SEMA3A: variants seen among roughly 807,000 people sequenced by gnomAD.
SEMA3A encodes semaphorin-3A.
In SEMA3A, 29 loss-of-function variants were observed where a neutral mutation model predicts 97.9. The observed-to-expected ratio is 0.30, with a 90% confidence interval of 0.22 to 0.40. The LOEUF (loss-of-function observed/expected upper bound fraction) is 0.40. Among genes scored for constraint, SEMA3A ranks in the 10% least tolerant of loss-of-function variants. The pLI is 1.00. For synonymous variants in SEMA3A, 321 were observed against 323.7 expected (o/e 0.99, Z 0.09); for missense variants, 763 against 951.3 (o/e 0.80, Z 2.60).
intron 3 of SEMA3A, among the ~76,000 whole-genome samples, chr7:84,213,070 A>C (rs1798668423): frequency 1.3e-5 from 2 of 151,940 alleles, no homozygotes; most frequent in Non-Finnish European, 1.5e-5. Flanking sequence ...TTTAGGGTTC[A>C]GGGTTCAAGC....
chr7:84,011,962 TG>T (rs1790898412), intron 7 of SEMA3A, among the ~76,000 whole-genome samples: 1 of 152,128 alleles, frequency 6.6e-6, no homozygotes. Flanking sequence ...GGGGACATTA[TG>T]TTAACAGAAA....
At chr7:84,403,714 G>C (rs1803977464) in intron 1 of SEMA3A, among the ~76,000 whole-genome samples, 1 of 152,150 alleles carries the variant, frequency 6.6e-6, no homozygotes, top group Admixed American at 6.5e-5. Flanking sequence ...GGAACGATCA[G>C]GCAGCAACAT....
At chr7:84,417,311 C>T (rs1432125784) in intron 1 of SEMA3A, among the ~76,000 whole-genome samples, 4 of 151,938 alleles carry the variant, frequency 2.6e-5, no homozygotes, top group African/African-American at 7.2e-5. Context: ...TTGATAAAAA[C>T]CTTCCTTTAG....
chr7:84,166,808 G>T (rs1208157946), intron 1 of SEMA3A, among the ~76,000 whole-genome samples: 2 of 148,218 alleles, frequency 1.3e-5, no homozygotes, highest in African/African-American at 5.0e-5. Context: ...TTGGAGGGCA[G>T]AGGCTGCAGT....
intron 13 of SEMA3A, among the ~76,000 whole-genome samples, chr7:83,983,214 CT>C (rs1789493734): frequency 6.8e-6 from 1 of 146,722 alleles, no homozygotes; most frequent in South Asian, 2.1e-4. Flanking sequence ...TCTTTCTTTC[CT>C]TTTCTTTTTC....
At chr7:83,980,097 C>T (rs138184316) in intron 14 of SEMA3A, among the ~76,000 whole-genome samples, 3 of 152,008 alleles carry the variant, frequency 2.0e-5, no homozygotes, top group Non-Finnish European at 4.4e-5. Flanking sequence ...CTCATATTAA[C>T]GAGATACTGT....
At chr7:84,081,449 T>C (rs957197724) in intron 4 of SEMA3A, among the ~76,000 whole-genome samples, 2 of 151,764 alleles carry the variant, frequency 1.3e-5, no homozygotes, top group Admixed American at 6.6e-5. Flanking sequence ...AAAAATTATC[T>C]GGGCGTGTTG....
chr7:83,967,232 T>G (rs1280908209), intron 15 of SEMA3A, among the ~76,000 whole-genome samples: 1 of 152,164 alleles, frequency 6.6e-6, no homozygotes, highest in Non-Finnish European at 1.5e-5. Context: ...AAATAATAAT[T>G]AGAAGGCATT....
chr7:84,032,880 T>C (rs1791810367), intron 6 of SEMA3A, among the ~76,000 whole-genome samples: 1 of 151,920 alleles, frequency 6.6e-6, no homozygotes, highest in Non-Finnish European at 1.5e-5. Context: ...ATAAATCATA[T>C]TACATAGCTA....
chr7:84,055,910 GAAA>G (rs1446868244), intron 5 of SEMA3A, among the ~76,000 whole-genome samples: 2 of 152,126 alleles, frequency 1.3e-5, no homozygotes, highest in African/African-American at 4.8e-5. Context: ...AATTGTGAAA[GAAA>G]TAAACATTTG....
intron 1 of SEMA3A, among the ~76,000 whole-genome samples, chr7:84,137,278 G>A (rs1348948110): frequency 6.6e-6 from 1 of 151,624 alleles, no homozygotes; most frequent in African/African-American, 2.4e-5. Flanking sequence ...GCGGGTGCCT[G>A]TAATCCTAGC....
chr7:84,445,065 A>T (rs964222101), intron 1 of SEMA3A, among the ~76,000 whole-genome samples: 2 of 152,136 alleles, frequency 1.3e-5, no homozygotes, highest in African/African-American at 4.8e-5. Context: ...GTTTTGACAT[A>T]ACAAATTAAT....
intron 3 of SEMA3A, among the ~76,000 whole-genome samples, chr7:84,296,983 A>G (rs1800888868): frequency 6.6e-6 from 1 of 151,916 alleles, no homozygotes; most frequent in South Asian, 2.1e-4. Context: ...ATTTATTTTT[A>G]TTTTTATTTT....
At chr7:84,264,139 A>C (rs1272705188) in intron 3 of SEMA3A, among the ~76,000 whole-genome samples, 1 of 152,122 alleles carries the variant, frequency 6.6e-6, no homozygotes, top group Non-Finnish European at 1.5e-5. Context: ...ATTTTAATCA[A>C]ATAATGAATA....
chr7:84,138,195 A>G (rs990440025), intron 1 of SEMA3A, among the ~76,000 whole-genome samples: 2 of 151,966 alleles, frequency 1.3e-5, no homozygotes, highest in Non-Finnish European at 2.9e-5. Context: ...GTCCAGATGG[A>G]GTAGACTGAA....
At chr7:84,086,566 T>C (rs1794374375) in intron 4 of SEMA3A, among the ~76,000 whole-genome samples, 1 of 56,648 alleles carries the variant, frequency 1.8e-5, no homozygotes, top group African/African-American at 3.5e-5. Context: ...TATTATTATA[T>C]TATATTTACA....
chr7:84,361,092 C>A (rs1171264962), intron 2 of SEMA3A, among the ~76,000 whole-genome samples: 2 of 151,962 alleles, frequency 1.3e-5, no homozygotes, highest in Admixed American at 1.3e-4. Context: ...CAAATGCTTA[C>A]TATAAATTTT....
chr7:84,200,203 A>T (rs914586209), intron 3 of SEMA3A, among the ~76,000 whole-genome samples: 3 of 152,098 alleles, frequency 2.0e-5, no homozygotes, highest in African/African-American at 7.2e-5. Flanking sequence ...TTGCAATATT[A>T]ATGTTTATGA....
chr7:84,050,286 T>C (rs1196405818), intron 5 of SEMA3A, among the ~76,000 whole-genome samples: 4 of 152,334 alleles, frequency 2.6e-5, no homozygotes, highest in East Asian at 1.9e-4. Flanking sequence ...ATTGCCACAC[T>C]GACTTCCACA....
Sources: gnomAD v4.1 joint callset for allele counts (sites outside exome capture counted in the v4.1 genomes callset) on GRCh38, gnomAD v4.1.1 for gene constraint, MANE v1.5 for transcripts, NCBI Gene and HGNC (gene_info 2026-07-23, HGNC 2026-07-21) for gene names.